MYRIP: variants seen among roughly 807,000 people sequenced by gnomAD.
MYRIP encodes the protein rab effector MyRIP.
MYRIP carries 49 observed loss-of-function variants against 98.0 expected under a neutral mutation model. The ratio of observed to expected loss-of-function variants is 0.50; its 90% CI spans 0.40 to 0.63. The LOEUF (loss-of-function observed/expected upper bound fraction) is 0.63. Among genes scored for constraint, MYRIP ranks in the 30% least tolerant of loss-of-function variants. The probability of loss-of-function intolerance (pLI) is 0.00; values close to 1 mark genes in which losing one functional copy is unlikely to be tolerated. For synonymous variants in MYRIP, 404 were observed against 409.5 expected, an observed-to-expected ratio of 0.99 and a Z score of 0.16; for missense variants, 1,004 against 1,058.2, an observed-to-expected ratio of 0.95 and a Z score of 0.71.
intron 2 of MYRIP, among the ~76,000 whole-genome samples, chr3:40,019,604 G>C (rs1387287836): frequency 6.6e-6 from 1 of 151,994 alleles, no homozygotes; most frequent in Non-Finnish European, 1.5e-5. Context: ...TTTATTTTAT[G>C]TCCCCAGCAC....
chr3:39,970,985 C>T lies in MYRIP; in HGVS notation c.110+70059C>T, dbSNP rs551717466. 2.6e-5 allele frequency among the ~76,000 whole-genome samples: 4 copies of T among 151,996 alleles called. No individual in the cohort carries two copies. The South Asian group carries it at 6.2e-4, about 24-fold the overall frequency. ...TGTTAACATGTATATTTCATACATA[C>T]GTGGGAGATACCTAGAGAAGGAGTA... is the stretch of plus-strand genomic sequence containing the variant. On this transcript the variant is annotated intron_variant, in intron 2 of 16. Transcript: ENST00000302541.
At chr3:40,151,900 A>G (rs1392759410) in intron 4 of MYRIP, among the ~76,000 whole-genome samples, 2 of 152,200 alleles carry the variant, frequency 1.3e-5, no homozygotes, top group East Asian at 1.9e-4. Flanking sequence ...AAGGAAGAAG[A>G]AAAAACCTCA....
At chr3:40,235,397 T>G (rs1388875721) in intron 12 of MYRIP, among the ~76,000 whole-genome samples, 1 of 152,202 alleles carries the variant, frequency 6.6e-6, no homozygotes, top group Non-Finnish European at 1.5e-5. Context: ...TTATTAGTAT[T>G]TGAAAGGCAT....
intron 3 of MYRIP, among the ~76,000 whole-genome samples, chr3:40,060,615 G>GAGAGAGAGAGAGAGAGAGAGAGAGAA (rs1236094894): frequency 6.6e-6 from 1 of 151,282 alleles, no homozygotes; most frequent in Non-Finnish European, 1.5e-5. Context: ...GAGAGAGAGA[G>GAGAGAGAGAGAGAGAGAGAGAGAGAA]AGATTCGCTC....
chr3:39,997,256 G>C (rs769653937), intron 2 of MYRIP, among the ~76,000 whole-genome samples: 1 of 152,078 alleles, frequency 6.6e-6, no homozygotes, highest in African/African-American at 2.4e-5. Flanking sequence ...CTGGTTTTTT[G>C]AGAAGATCAA....
intron 3 of MYRIP, among the ~76,000 whole-genome samples, chr3:40,093,016 C>A (rs1421428676): frequency 6.6e-6 from 1 of 152,150 alleles, no homozygotes; most frequent in Non-Finnish European, 1.5e-5. Flanking sequence ...GGCCTGGTAC[C>A]TCTGGCCCTG....
chr3:40,247,546 T>A (rs1953244690), intron 13 of MYRIP, among the ~76,000 whole-genome samples: 1 of 152,304 alleles, frequency 6.6e-6, no homozygotes, highest in African/African-American at 2.4e-5. Flanking sequence ...TCTTTTGAGA[T>A]AGAGTCTCAC....
chr3:39,974,732 A>T (rs569021210), intron 2 of MYRIP, among the ~76,000 whole-genome samples: 240 of 152,324 alleles, frequency 1.6e-3, no homozygotes, highest in African/African-American at 5.5e-3. Context: ...CTGGGATGCA[A>T]GGCTGGTTCA....
intron 2 of MYRIP, among the ~76,000 whole-genome samples, chr3:40,032,406 TC>T (rs1329064897): frequency 1.3e-5 from 2 of 152,178 alleles, no homozygotes; most frequent in Non-Finnish European, 2.9e-5. Context: ...TGTTATACTT[TC>T]TGTTCTTTTA....
intron 2 of MYRIP, among the ~76,000 whole-genome samples, chr3:39,931,569 A>G (rs748501677): frequency 1.3e-5 from 2 of 151,872 alleles, no homozygotes; most frequent in African/African-American, 4.8e-5. Context: ...AAGTGATGAG[A>G]GATCCTTGTA....
intron 3 of MYRIP, among the ~76,000 whole-genome samples, chr3:40,101,716 A>G (rs541249765): frequency 6.6e-6 from 1 of 152,146 alleles, no homozygotes; most frequent in South Asian, 2.1e-4. Context: ...TATTCCCTTT[A>G]CTATGTAATG....
intron 3 of MYRIP, 133 bp downstream of exon 3, chr3:40,044,404 T>C (rs976832354): frequency 1.2e-6 from 1 of 858,772 alleles, no homozygotes; most frequent in Admixed American, 2.5e-5. Context: ...AATAGCTTGC[T>C]GAAGAGAGAT....
At chr3:39,967,758 T>A (rs1001677186) in intron 2 of MYRIP, among the ~76,000 whole-genome samples, 2 of 152,208 alleles carry the variant, frequency 1.3e-5, no homozygotes, top group Admixed American at 6.5e-5. Flanking sequence ...ATTTTTTGAC[T>A]TTTTAATAAT....
chr3:39,884,721 T>A (rs907850470), intron 1 of MYRIP, among the ~76,000 whole-genome samples: 3 of 152,054 alleles, frequency 2.0e-5, no homozygotes, highest in African/African-American at 7.2e-5. Flanking sequence ...CTTGAAGAAC[T>A]TTCCATATTC....
At chr3:40,169,849 A>AT in intron 7 of MYRIP, 101 bp from the exon 8 acceptor site, 1 of 1,424,476 alleles carries the variant, frequency 7.0e-7, no homozygotes. Context: ...AATTAAGCTT[A>AT]TAAGTGGCTG....
chr3:40,014,402 TC>T, intron 2 of MYRIP, among the ~76,000 whole-genome samples: 1 of 152,214 alleles, frequency 6.6e-6, no homozygotes. Context: ...CATATTATTT[TC>T]CTGCAGACAT....
chr3:40,233,740 G>C, intron 11 of MYRIP, 119 bp from the exon 12 acceptor site: 1 of 918,390 alleles, frequency 1.1e-6, no homozygotes, highest in Non-Finnish European at 1.7e-6. Flanking sequence ...ATTGGTGTTT[G>C]TGTGTGGAAT....
chr3:39,810,125 T>C (rs1340768007), intron 1 of MYRIP, among the ~76,000 whole-genome samples: 1 of 152,216 alleles, frequency 6.6e-6, no homozygotes, highest in Non-Finnish European at 1.5e-5. Flanking sequence ...TTGAACTTGC[T>C]CAGGGATCAT....
At chr3:40,151,717 A>G (rs1575578789) in intron 4 of MYRIP, among the ~76,000 whole-genome samples, 1 of 152,208 alleles carries the variant, frequency 6.6e-6, no homozygotes, top group Admixed American at 6.5e-5. Flanking sequence ...TAACCAAGCT[A>G]CTTGGAATGG....
Sources: gnomAD v4.1 joint callset for allele counts (sites outside exome capture counted in the v4.1 genomes callset) on GRCh38, gnomAD v4.1.1 for gene constraint, MANE v1.5 for transcripts, NCBI Gene and HGNC (gene_info 2026-07-23, HGNC 2026-07-21) for gene names.